The following BUB3 variants were observed in gnomAD, a reference collection of about 807,000 sequenced individuals.
The protein encoded by BUB3 is mitotic checkpoint protein BUB3.
In BUB3, 22 loss-of-function variants were observed where a neutral mutation model predicts 39.9. The ratio of observed to expected loss-of-function variants is 0.55; its 90% CI spans 0.39 to 0.79. The LOEUF is 0.79. BUB3 is among the 30% of genes least tolerant of loss of function. The probability of loss-of-function intolerance (pLI) is 0.00; values close to 1 mark genes in which losing one functional copy is unlikely to be tolerated. For missense variants in BUB3, 303 were observed against 415.4 expected, an observed-to-expected ratio of 0.73 and a Z score of 2.35; for synonymous variants, 168 against 155.1, an observed-to-expected ratio of 1.08 and a Z score of -0.62.
chr10:123,165,951 A>G lies in BUB3; in HGVS notation c.*2116A>G, dbSNP rs778564502. 2.6e-5 allele frequency: 4 copies of G among 152,192 alleles called. No homozygotes were observed. Among genetic ancestry groups the G allele is most frequent in the Non-Finnish European group, 5.9e-5 (4 of 68,042 alleles). The allele number at this position is 152,192 out of a possible 1,614,324, so 9.4% of individuals were successfully genotyped here. ...ATTGTATAAGTGAAAGAATTAATATAGTATTGTTATAGGTAACCAAATTAT... is the reference window on the plus strand; with the variant it reads ...ATTGTATAAGTGAAAGAATTAATATGGTATTGTTATAGGTAACCAAATTAT... On this transcript the variant is annotated 3_prime_UTR_variant, in exon 8 of 8. Transcript: ENST00000368865.
In BUB3 at chr10:123,165,285, T is replaced by C. The variant is rs1440931638; in HGVS notation, c.*1450T>C. 3 of 473,252 alleles carry C rather than the reference T, an allele frequency of 6.3e-6. No homozygotes were observed. The Admixed American group carries it at 1.1e-4, about 17-fold the overall frequency. 29.3% of individuals were successfully genotyped at this position (473,252 alleles called of 1,614,324 possible). A position where few individuals can be genotyped will look rare whatever the true frequency, so the allele number is the denominator to read the frequency against. On this transcript the variant is annotated 3_prime_UTR_variant, in exon 8 of 8. Transcript: ENST00000368865. ...TCCCCTAGTAAGCCCAGTTGCTGTATCTGAACAGTTTGAGCTCTTTTTGTA... is the reference window on the plus strand; with the variant it reads ...TCCCCTAGTAAGCCCAGTTGCTGTACCTGAACAGTTTGAGCTCTTTTTGTA...
chr10:123,156,839 C>T (rs369464467), intron 3 of BUB3, among the ~76,000 whole-genome samples: 14 of 151,314 alleles, frequency 9.3e-5, no homozygotes, highest in Middle Eastern at 3.4e-3. Flanking sequence ...CTCCGCCACC[C>T]GCATTCAGGC....
intron 4 of BUB3, among the ~76,000 whole-genome samples, chr10:123,159,759 C>A: frequency 6.6e-6 from 1 of 152,142 alleles, no homozygotes; most frequent in Non-Finnish European, 1.5e-5. Flanking sequence ...TACATCAGGG[C>A]ACAAGAATTG....
chr10:123,162,028 G>T (rs35103813), intron 5 of BUB3, among the ~76,000 whole-genome samples: 15 of 152,166 alleles, frequency 9.9e-5, no homozygotes, highest in Non-Finnish European at 2.1e-4. Flanking sequence ...CAAGGCCCTG[G>T]TACCTGTGAG....
Position 123,164,888 on chromosome 10 carries a change from C to T in BUB3, c.*1053C>T, listed in dbSNP as rs1276024803. The T allele has an allele frequency of 7.2e-7, 1 of 1,389,784 alleles. No homozygotes were observed. The highest frequency in any genetic ancestry group is 1.8e-5 in the South Asian group (1 of 54,290). 86.1% of individuals were successfully genotyped at this position (1,389,784 alleles called of 1,614,324 possible). On this transcript the variant is annotated 3_prime_UTR_variant, in exon 8 of 8. Transcript: ENST00000368865. ...TATATTAATTTGCAAATGTATGTCTCTGAGTAGGACTTGGACCTTTCCTGA... is the reference window on the plus strand; with the variant it reads ...TATATTAATTTGCAAATGTATGTCTTTGAGTAGGACTTGGACCTTTCCTGA...
chr10:123,160,639 T>C (rs1589690295), intron 5 of BUB3, 74 bp downstream of exon 5: 3 of 1,220,874 alleles, frequency 2.5e-6, no homozygotes, highest in Non-Finnish European at 3.3e-6. Context: ...ATTTGGCCAC[T>C]AGCCCCTAAA....
At chr10:123,163,148 T>G (rs1844447448) in intron 7 of BUB3, 1 of 281,038 alleles carries the variant, frequency 3.6e-6, no homozygotes, top group Non-Finnish European at 6.6e-6. Flanking sequence ...CAAGAATAAT[T>G]TATTTTAGTA....
rs113616106 is a variant in BUB3 at position 123,160,891 on chromosome 10, C to T, written c.576+326C>T. Among the ~76,000 whole-genome samples the T allele has an allele frequency of 3.5e-3, 533 of 152,282 alleles. 4 individuals are homozygous for T. Among genetic ancestry groups the T allele is most frequent in the African/African-American group, 0.012 (514 of 41,564 alleles). The stretch of plus-strand genomic sequence containing the variant: ...TATACAGTAATCAAAGAGCGCTTTG[C>T]AGATATTTCAGTTTACAAAATGCTG... On this transcript the variant is annotated intron_variant, in intron 5 of 7. Transcript: ENST00000368865.
rs748539608 is a variant in BUB3 at position 123,160,415 on chromosome 10, C to T, written c.426C>T (p.Thr142=). The change falls in exon 5 of 8, where the codon ACC becomes ACT. Residue 142 remains threonine, a synonymous_variant. Transcript: ENST00000368865. ...TTGATCTTTTTTAAAAGGTATATAC[C>T]CTCTCAGTGTCTGGAGACCGGCTGA... is the stretch of plus-strand genomic sequence containing the variant. ...GTFSQPEKVY[T]LSVSGDRLIV... is the part of the protein sequence containing the mutation. 5.6e-5 allele frequency: 90 copies of T among 1,596,954 alleles called. No individual in the cohort carries two copies. The highest frequency in any genetic ancestry group is 1.8e-4 in the Middle Eastern group (1 of 5,486).
rs866194077 is a variant in BUB3, at chr10:123,155,232, T to C, written c.195+120T>C. The C allele has an allele frequency of 3.2e-5, 38 of 1,174,252 alleles. No homozygotes were observed. In the Middle Eastern group the frequency reaches 1.9e-3, roughly 59 times the overall value. 72.7% of individuals were successfully genotyped at this position (1,174,252 alleles called of 1,614,324 possible). On this transcript the variant is annotated intron_variant, in intron 2 of 7. Transcript: ENST00000368865. Reference sequence around the variant, plus strand: ...GTCGGTGGGGTTATTTGGACAGTTCTTTAGCTTTTCAGGAGCATCTGCCTT... The same window carrying C: ...GTCGGTGGGGTTATTTGGACAGTTCCTTAGCTTTTCAGGAGCATCTGCCTT...
chr10:123,155,027 C>A lies in BUB3; in HGVS notation c.110C>A (p.Thr37Lys). 6.2e-7 allele frequency: 1 copy of A among 1,614,200 alleles called. No homozygotes were observed. Among genetic ancestry groups the A allele is most frequent in the South Asian group, 1.1e-5 (1 of 91,086 alleles). Residue 37 changes from threonine to lysine, a missense_variant, in exon 2 of 8, where the codon ACG (threonine) becomes AAG (lysine). Around this residue, in one of 2 missense-constraint regions of BUB3, gnomAD observed 121 missense variants for 122.3 expected, o/e 0.99. Coordinates refer to ENST00000368865, the MANE Select transcript of BUB3 (RefSeq NM_004725.4). The stretch of plus-strand genomic sequence containing the variant: ...TTCCTGCTTGTCTCCTCCTGGGACA[C>A]GTCCGTGCGTCTCTACGATGTGCCG... ...SQFLLVSSWD[T>K]SVRLYDVPAN...
intron 3 of BUB3, 105 bp downstream of exon 3, chr10:123,155,832 C>T (rs1844342310): frequency 9.6e-7 from 1 of 1,042,564 alleles, no homozygotes; most frequent in Non-Finnish European, 1.5e-6. Context: ...TACTAAGTTG[C>T]TTAAGTACAG....
Position 123,164,084 on chromosome 10 carries a change from G to A in BUB3, c.*249G>A. ...AAACAAAATTGGAGGGCAAGTGACT[G>A]CAGTTTTGAGAATCAGTTTTGACCT... On this transcript the variant is annotated 3_prime_UTR_variant, in exon 8 of 8. Transcript: ENST00000368865. The A allele has an allele frequency of 8.5e-7, 1 of 1,179,010 alleles. No individual in the cohort carries two copies. The allele number at this position is 1,179,010 out of a possible 1,614,324, so 73.0% of individuals were successfully genotyped here. A position where few individuals can be genotyped will look rare whatever the true frequency, so the allele number is the denominator to read the frequency against.
intron 7 of BUB3, among the ~76,000 whole-genome samples, chr10:123,163,448 C>G (rs1232347797): frequency 6.6e-6 from 1 of 152,224 alleles, no homozygotes; most frequent in African/African-American, 2.4e-5. Context: ...AAATCTGATA[C>G]TTCAGCATGT....
In BUB3 at chr10:123,164,505, C is replaced by G. The variant is rs897137468; in HGVS notation, c.*670C>G. The G allele has an allele frequency of 7.7e-5, 76 of 985,470 alleles. No homozygotes were observed. The highest frequency in any genetic ancestry group is 9.0e-5 in the Non-Finnish European group (75 of 830,150). The allele number at this position is 985,470 out of a possible 1,614,324, so 61.0% of individuals were successfully genotyped here. On this transcript the variant is annotated 3_prime_UTR_variant, in exon 8 of 8. Transcript: ENST00000368865. The stretch of plus-strand genomic sequence containing the variant: ...ATTATTTATTAGCAAACAATTGATC[C>G]CAGAAGGGCAAATTGTTTGAGTCAG...
rs961116091 is a variant in BUB3, at chr10:123,166,917, A to G, written c.*3082A>G. 2 of 152,252 alleles carry G rather than the reference A, an allele frequency of 1.3e-5. No homozygotes were observed. The highest frequency in any genetic ancestry group is 2.4e-5 in the African/African-American group (1 of 41,452). 9.4% of individuals were successfully genotyped at this position (152,252 alleles called of 1,614,324 possible). On this transcript the variant is annotated 3_prime_UTR_variant, in exon 8 of 8. Coordinates refer to ENST00000368865, the MANE Select transcript of BUB3 (RefSeq NM_004725.4). ...CCAGAATGCCCAGTTTAGCCTTAGCATTCAAACCCTTCATTGTTTTTCCTC... is the reference window on the plus strand; with the variant it reads ...CCAGAATGCCCAGTTTAGCCTTAGCGTTCAAACCCTTCATTGTTTTTCCTC...
In BUB3 at chr10:123,163,886, AC is replaced by A. The variant is rs1844454953; in HGVS notation, c.*52del. The A allele has an allele frequency of 1.3e-6, 2 of 1,564,496 alleles. No homozygotes were observed. Among genetic ancestry groups the A allele is most frequent in the African/African-American group, 2.7e-5 (2 of 73,060 alleles). ...TGTTGATGATAATAAAACAATTCGT[AC>A]TCCCCAATGGTGGATTTATTACTAT... On this transcript the variant is annotated 3_prime_UTR_variant, in exon 8 of 8. Coordinates refer to ENST00000368865, the MANE Select transcript of BUB3 (RefSeq NM_004725.4).
Position 123,164,107 on chromosome 10 carries a change from C to G in BUB3, c.*272C>G. 2 of 1,137,946 alleles carry G rather than the reference C, an allele frequency of 1.8e-6. No homozygotes were observed. Among genetic ancestry groups the G allele is most frequent in the Non-Finnish European group, 2.2e-6 (2 of 929,716 alleles). The allele number at this position is 1,137,946 out of a possible 1,614,324, so 70.5% of individuals were successfully genotyped here. On this transcript the variant is annotated 3_prime_UTR_variant, in exon 8 of 8. Coordinates refer to ENST00000368865, the MANE Select transcript of BUB3 (RefSeq NM_004725.4). ...CTGCAGTTTTGAGAATCAGTTTTGACCTTGATGATTTTTTGTTTCCACTGT... is the reference window on the plus strand; with the variant it reads ...CTGCAGTTTTGAGAATCAGTTTTGAGCTTGATGATTTTTTGTTTCCACTGT...
rs1381863329 is a variant in BUB3, at chr10:123,169,617, G to A, written c.*5782G>A. The A allele has an allele frequency of 6.6e-6, 1 of 152,164 alleles. No homozygotes were observed. Among genetic ancestry groups the A allele is most frequent in the Non-Finnish European group, 1.5e-5 (1 of 68,036 alleles). 9.4% of individuals were successfully genotyped at this position (152,164 alleles called of 1,614,324 possible). On this transcript the variant is annotated 3_prime_UTR_variant, in exon 8 of 8. Transcript: ENST00000368865. Reference sequence around the variant, plus strand: ...TCTGGGCACTAGGAAAAGCAATGTGGGCAGAAATTCCTTGTTCGAGAGCCT... The same window carrying A: ...TCTGGGCACTAGGAAAAGCAATGTGAGCAGAAATTCCTTGTTCGAGAGCCT...
Sources: allele counts gnomAD v4.1 joint callset (sites outside exome capture counted in the v4.1 genomes callset), GRCh38; gene constraint gnomAD v4.1.1; regional missense constraint gnomAD v4.1.1; transcripts MANE v1.5; gene names NCBI Gene and HGNC (gene_info 2026-07-23, HGNC 2026-07-21).